The following USH2A variants were observed in gnomAD, a reference collection of about 807,000 sequenced individuals.
USH2A encodes usherin.
A neutral mutation model predicts 538.9 loss-of-function variants in USH2A; 443 were observed. That is an observed-to-expected ratio of 0.82 (90% CI 0.76 to 0.89). The LOEUF is 0.89. Among genes scored for constraint, USH2A ranks in the 40% least tolerant of loss-of-function variants. The pLI is 0.00. For synonymous variants in USH2A, 2,413 were observed against 2,273.5 expected (o/e 1.06, Z -1.75); for missense variants, 6,633 against 6,324.8 (o/e 1.05, Z -1.65).
At chr1:216,239,310 CG>C (rs2035889663) in intron 13 of USH2A, among the ~76,000 whole-genome samples, 1 of 152,078 alleles carries the variant, frequency 6.6e-6, no homozygotes, top group African/African-American at 2.4e-5. Flanking sequence ...CAACGCTTTT[CG>C]TAAGTGTTGT....
intron 58 of USH2A, among the ~76,000 whole-genome samples, chr1:215,746,541 C>T (rs1372316890): frequency 6.6e-6 from 1 of 152,134 alleles, no homozygotes; most frequent in African/African-American, 2.4e-5. Context: ...AAACATTTAT[C>T]CCTATGGCTG....
chr1:215,671,364 C>G, intron 63 of USH2A, 71 bp from the exon 64 acceptor site: 1 of 1,466,982 alleles, frequency 6.8e-7, no homozygotes, highest in Non-Finnish European at 9.4e-7. Context: ...CTTTAAAACA[C>G]CAGGCCTTAA....
chr1:216,176,587 T>C lies in USH2A; in HGVS notation c.4397-1105A>G, dbSNP rs377203824. 9.7e-4 allele frequency among the ~76,000 whole-genome samples: 148 copies of C among 152,292 alleles called. 3 individuals are homozygous for C. Among genetic ancestry groups the C allele is most frequent in the African/African-American group, 3.5e-3 (145 of 41,580 alleles). On this transcript the variant is annotated intron_variant, in intron 20 of 71. Coordinates refer to ENST00000307340, the MANE Select transcript of USH2A (RefSeq NM_206933.4). ...TTTCATTCAAAGTACATAGTTTCCA[T>C]TGGGGCTCACACGTGGTGTTTACCT...
At chr1:215,995,069 AT>A (rs928815082) in intron 34 of USH2A, among the ~76,000 whole-genome samples, 1 of 152,054 alleles carries the variant, frequency 6.6e-6, no homozygotes. Flanking sequence ...ACTTGTCACT[AT>A]TTTTTTCTTA....
chr1:216,418,406 T>A, intron 3 of USH2A, 108 bp downstream of exon 3: 3 of 1,279,246 alleles, frequency 2.3e-6, no homozygotes, highest in Non-Finnish European at 3.3e-6. Context: ...ACACCTGAAA[T>A]CTAAAAGATA....
At chr1:215,724,811 A>G (rs1294274835) in intron 61 of USH2A, among the ~76,000 whole-genome samples, 3 of 152,186 alleles carry the variant, frequency 2.0e-5, no homozygotes, top group Non-Finnish European at 2.9e-5. Context: ...TTGGTATTCA[A>G]TATTGACATA....
chr1:216,090,778 T>TTTC (rs2032281597), intron 22 of USH2A, among the ~76,000 whole-genome samples: 2 of 152,178 alleles, frequency 1.3e-5, no homozygotes, highest in Non-Finnish European at 2.9e-5. Context: ...CTAATGGGAT[T>TTTC]ACTAGCATGG....
At chr1:215,745,154 G>T (rs909973631) in intron 58 of USH2A, among the ~76,000 whole-genome samples, 12 of 152,138 alleles carry the variant, frequency 7.9e-5, no homozygotes, top group African/African-American at 2.9e-4. Context: ...AAATCTTAGA[G>T]TAAGACTTTT....
intron 11 of USH2A, among the ~76,000 whole-genome samples, chr1:216,259,468 G>C (rs2102563805): frequency 6.6e-6 from 1 of 152,184 alleles, no homozygotes; most frequent in Admixed American, 6.5e-5. Flanking sequence ...AAGCTGATCT[G>C]TAGGTATATA....
intron 35 of USH2A, among the ~76,000 whole-genome samples, chr1:215,990,760 C>CTTTTTTT (rs35293238): frequency 1.7e-5 from 2 of 114,578 alleles, no homozygotes; most frequent in Non-Finnish European, 3.4e-5. Flanking sequence ...CTTAATTTTC[C>CTTTTTTT]TTTTTTTTTT....
chr1:216,174,582 A>C, intron 21 of USH2A: 5 of 981,546 alleles, frequency 5.1e-6, no homozygotes, highest in Non-Finnish European at 6.1e-6. Flanking sequence ...ATTGCATTAA[A>C]ATTTACATTA....
At position 216,415,651 on chromosome 1, in the gene USH2A, G is replaced by C. The variant is rs115401165; in HGVS notation, c.651+2863C>G. Among the ~76,000 whole-genome samples the C allele has an allele frequency of 2.0e-3, 304 of 151,604 alleles. 5 individuals are homozygous for C. The highest frequency in any genetic ancestry group is 6.9e-3 in the African/African-American group (285 of 41,348). ...CACTTTAGCCCCAACCTCCTGAGTA[G>C]CTGGGTCTACAGACACGCACCATCA... On this transcript the variant is annotated intron_variant, in intron 3 of 71. Coordinates refer to ENST00000307340, the MANE Select transcript of USH2A (RefSeq NM_206933.4).
At chr1:216,166,293 C>A (rs1294958790) in intron 21 of USH2A, among the ~76,000 whole-genome samples, 1 of 151,990 alleles carries the variant, frequency 6.6e-6, no homozygotes, top group Non-Finnish European at 1.5e-5. Context: ...AAGAGATGGG[C>A]ATCTGAGAGA....
intron 61 of USH2A, among the ~76,000 whole-genome samples, chr1:215,699,156 C>G (rs1460860268): frequency 6.6e-6 from 1 of 152,038 alleles, no homozygotes; most frequent in East Asian, 1.9e-4. Flanking sequence ...TCTGAGGCCT[C>G]TGTTCTGTTT....
intron 9 of USH2A, among the ~76,000 whole-genome samples, chr1:216,321,574 C>T (rs1174550932): frequency 6.6e-6 from 1 of 152,004 alleles, no homozygotes; most frequent in African/African-American, 2.4e-5. Context: ...GCTATCCAAA[C>T]ACATTAAAAA....
intron 9 of USH2A, among the ~76,000 whole-genome samples, chr1:216,301,578 A>G (rs1018203192): frequency 6.6e-6 from 1 of 152,106 alleles, no homozygotes; most frequent in African/African-American, 2.4e-5. Flanking sequence ...CTGAGTCTAA[A>G]CTGGACAGCA....
intron 35 of USH2A, among the ~76,000 whole-genome samples, 164 bp from the exon 36 acceptor site, chr1:215,970,940 A>G (rs536783246): frequency 1.3e-5 from 2 of 152,270 alleles, no homozygotes; most frequent in Non-Finnish European, 2.9e-5. Flanking sequence ...AAAGGATAAA[A>G]TAGATGTTAC....
chr1:216,359,177 A>C (rs1231752740), intron 4 of USH2A, among the ~76,000 whole-genome samples: 1 of 152,136 alleles, frequency 6.6e-6, no homozygotes, highest in East Asian at 1.9e-4. Flanking sequence ...AGCTTGATCT[A>C]AGAGCATACA....
intron 4 of USH2A, among the ~76,000 whole-genome samples, chr1:216,352,949 G>A (rs1007342237): frequency 5.3e-5 from 8 of 152,032 alleles, no homozygotes; most frequent in African/African-American, 1.9e-4. Context: ...GGGAAATATG[G>A]AATGATCACA....
Sources: allele counts gnomAD v4.1 joint callset (sites outside exome capture counted in the v4.1 genomes callset), GRCh38; gene constraint gnomAD v4.1.1; transcripts MANE v1.5; gene names NCBI Gene and HGNC (gene_info 2026-07-23, HGNC 2026-07-21).